MRTFA: variants seen among roughly 807,000 people sequenced by gnomAD.
MRTFA encodes the protein myocardin related transcription factor A.
Under a neutral mutation model 83.5 loss-of-function variants are expected in MRTFA, and 20 were observed. The ratio of observed to expected loss-of-function variants is 0.24; its 90% CI spans 0.17 to 0.35. The LOEUF (loss-of-function observed/expected upper bound fraction) is 0.35. Ranked by LOEUF, MRTFA falls within the 10% of genes least tolerant of loss-of-function variation. The pLI, the probability that MRTFA is intolerant of heterozygous loss-of-function variation, is 1.00. For synonymous variants in MRTFA, 659 were observed against 541.2 expected (o/e 1.22, Z -3.02); for missense variants, 1,200 against 1,224.7 (o/e 0.98, Z 0.30).
chr22:40,495,934 C>T (rs2054346872), intron 3 of MRTFA, among the ~76,000 whole-genome samples: 1 of 151,498 alleles, frequency 6.6e-6, no homozygotes, highest in South Asian at 2.1e-4. Context: ...GGTGTGGTGG[C>T]ACACGCCTGT....
intron 3 of MRTFA, among the ~76,000 whole-genome samples, chr22:40,551,005 C>T (rs1386163998): frequency 6.6e-6 from 1 of 151,940 alleles, no homozygotes; most frequent in Non-Finnish European, 1.5e-5. Flanking sequence ...GCATGTGCCA[C>T]CATGCCTGGC....
intron 7 of MRTFA, among the ~76,000 whole-genome samples, chr22:40,427,829 G>A (rs1172285921): frequency 6.6e-6 from 1 of 152,132 alleles, no homozygotes; most frequent in African/African-American, 2.4e-5. Context: ...TAGAGGACTG[G>A]AAATATCAGC....
intron 1 of MRTFA, among the ~76,000 whole-genome samples, chr22:40,596,576 C>A (rs539965380): frequency 6.6e-6 from 1 of 152,022 alleles, no homozygotes; most frequent in Non-Finnish European, 1.5e-5. Context: ...CCAAGGCGGG[C>A]GGATCACTTG....
At chr22:40,463,349 A>G (rs566346144) in intron 3 of MRTFA, 63 bp from the exon 4 acceptor site, 2 of 1,390,126 alleles carry the variant, frequency 1.4e-6, no homozygotes, top group East Asian at 2.3e-5. Context: ...CTCAAAAAAC[A>G]CATTTTCAAA....
rs773002117 is a variant in MRTFA, at chr22:40,418,806, C to T, written c.1932G>A (p.Lys644=). ...GCTTGAGCCGCTCCACCAGCTGCTG[C>T]TTCTGCCGGAGCATGCGCGTCAGCG... The change falls in exon 12 of 15, where the codon AAG becomes AAA. Residue 644 remains lysine, a synonymous_variant. Transcript: ENST00000355630. 7 of 1,606,894 alleles carry T rather than the reference C, an allele frequency of 4.4e-6. No homozygotes were observed. The highest frequency in any genetic ancestry group is 2.2e-5 in the East Asian group (1 of 44,808).
chr22:40,555,196 A>G (rs1187267781), intron 2 of MRTFA, among the ~76,000 whole-genome samples: 1 of 152,236 alleles, frequency 6.6e-6, no homozygotes. Context: ...ACTGAGAAGA[A>G]ATAATTGTAT....
rs533542942 is a variant in MRTFA, at chr22:40,621,196, A to G, written c.-84+15282T>C. Among the ~76,000 whole-genome samples the G allele has an allele frequency of 1.0e-3, 158 of 152,044 alleles. 1 individual carries two copies. Among genetic ancestry groups the G allele is most frequent in the South Asian group, 4.2e-3 (20 of 4,814 alleles). On this transcript the variant is annotated intron_variant, in intron 1 of 14. Transcript: ENST00000355630. ...GACTCTGTCTTTAAAAAAAAAAAAAAAAGAAGAAGAAGACTGAAAGATGTT... is the reference window on the plus strand; with the variant it reads ...GACTCTGTCTTTAAAAAAAAAAAAAGAAGAAGAAGAAGACTGAAAGATGTT...
At chr22:40,565,803 G>A (rs1483426191) in intron 2 of MRTFA, among the ~76,000 whole-genome samples, 1 of 152,146 alleles carries the variant, frequency 6.6e-6, no homozygotes, top group Non-Finnish European at 1.5e-5. Flanking sequence ...GACCAAAAGA[G>A]GTCTCATTGA....
intron 1 of MRTFA, among the ~76,000 whole-genome samples, chr22:40,635,199 C>T (rs1272411239): frequency 2.6e-5 from 4 of 152,204 alleles, no homozygotes; most frequent in Non-Finnish European, 5.9e-5. Flanking sequence ...CCCCACCCTG[C>T]AGTCATAGGG....
intron 4 of MRTFA, among the ~76,000 whole-genome samples, chr22:40,457,542 C>T (rs916929378): frequency 2.0e-5 from 3 of 151,668 alleles, no homozygotes; most frequent in African/African-American, 7.3e-5. Context: ...CAACTTCAGA[C>T]AGAGAGAGAC....
At chr22:40,555,581 A>C (rs2055508817) in intron 2 of MRTFA, among the ~76,000 whole-genome samples, 1 of 149,730 alleles carries the variant, frequency 6.7e-6, no homozygotes, top group Admixed American at 6.7e-5. Flanking sequence ...AAATTAAAAA[A>C]AATTTTATAT....
At chr22:40,438,237 A>G (rs2053208565) in intron 4 of MRTFA, among the ~76,000 whole-genome samples, 1 of 152,192 alleles carries the variant, frequency 6.6e-6, no homozygotes, top group African/African-American at 2.4e-5. Flanking sequence ...GTAAGGAAGA[A>G]ACACCAGTGA....
chr22:40,427,982 G>A (rs138068873), intron 7 of MRTFA, among the ~76,000 whole-genome samples: 1 of 152,290 alleles, frequency 6.6e-6, no homozygotes, highest in East Asian at 1.9e-4. Context: ...CCAGGAGAGG[G>A]CAGGGAAGTT....
intron 1 of MRTFA, among the ~76,000 whole-genome samples, chr22:40,596,967 G>A (rs2056200703): frequency 6.6e-6 from 1 of 151,740 alleles, no homozygotes. Flanking sequence ...AACAGAGTGA[G>A]ACTCTGTCTC....
chr22:40,619,029 A>G (rs937153220), intron 1 of MRTFA, among the ~76,000 whole-genome samples: 29 of 151,754 alleles, frequency 1.9e-4, no homozygotes, highest in Non-Finnish European at 3.8e-4. Flanking sequence ...GGCAAGAAAT[A>G]ATAATGATGG....
chr22:40,632,161 G>C (rs1489568148), intron 1 of MRTFA, among the ~76,000 whole-genome samples: 1 of 152,224 alleles, frequency 6.6e-6, no homozygotes, highest in Non-Finnish European at 1.5e-5. Context: ...CCCACATGAA[G>C]AGGAATTGAG....
intron 3 of MRTFA, among the ~76,000 whole-genome samples, chr22:40,551,809 C>T (rs771509734): frequency 6.6e-6 from 1 of 151,948 alleles, no homozygotes; most frequent in Admixed American, 6.6e-5. Flanking sequence ...CCATTTAATC[C>T]CTAATTTTAG....
At chr22:40,600,776 G>A (rs537937450) in intron 1 of MRTFA, among the ~76,000 whole-genome samples, 5 of 152,226 alleles carry the variant, frequency 3.3e-5, no homozygotes, top group South Asian at 2.1e-4. Context: ...TCAGGAGTTC[G>A]AGACCAGCCT....
At chr22:40,486,380 ATT>A (rs1362946260) in intron 3 of MRTFA, among the ~76,000 whole-genome samples, 1 of 152,182 alleles carries the variant, frequency 6.6e-6, no homozygotes, top group African/African-American at 2.4e-5. Context: ...TCGGTTGAAC[ATT>A]TTATTCAATG....
Sources: allele counts gnomAD v4.1 joint callset (sites outside exome capture counted in the v4.1 genomes callset), GRCh38; gene constraint gnomAD v4.1.1; transcripts MANE v1.5; gene names NCBI Gene and HGNC (gene_info 2026-07-23, HGNC 2026-07-21).